The following HHIP variants were observed in gnomAD, a reference collection of about 807,000 sequenced individuals.
The protein encoded by HHIP is hedgehog interacting protein.
In HHIP, 12 loss-of-function variants were observed where a neutral mutation model predicts 74.0. The ratio of observed to expected loss-of-function variants is 0.16; its 90% CI spans 0.10 to 0.26. The LOEUF is 0.26. HHIP is among the 10% of genes least tolerant of loss of function. HHIP has a pLI of 1.00. For missense variants in HHIP, 788 were observed against 845.0 expected (o/e 0.93, Z 0.84); for synonymous variants, 309 against 311.6 (o/e 0.99, Z 0.09).
intron 2 of HHIP, among the ~76,000 whole-genome samples, chr4:144,656,210 G>A (rs1236423007): frequency 1.3e-5 from 2 of 152,146 alleles, no homozygotes; most frequent in Middle Eastern, 3.4e-3. Context: ...AAAATTACAT[G>A]ATTGTAAAGA....
At chr4:144,717,661 C>T (rs1730495130) in intron 10 of HHIP, among the ~76,000 whole-genome samples, 1 of 152,076 alleles carries the variant, frequency 6.6e-6, no homozygotes, top group Non-Finnish European at 1.5e-5. Context: ...AGTACCCCAT[C>T]TGTTGTATTT....
chr4:144,669,875 A>G (rs1430915080), intron 4 of HHIP, among the ~76,000 whole-genome samples: 1 of 151,922 alleles, frequency 6.6e-6, no homozygotes, highest in African/African-American at 2.4e-5. Flanking sequence ...GGCTGGGTGT[A>G]GTGGCTCACA....
At chr4:144,647,757 C>T (rs1728307162) in intron 1 of HHIP, among the ~76,000 whole-genome samples, 1 of 152,160 alleles carries the variant, frequency 6.6e-6, no homozygotes, top group African/African-American at 2.4e-5. Context: ...CAATATCGTT[C>T]TTGCCAGGAG....
rs1731317314 is a variant in HHIP at position 144,743,472 on chromosome 4, C to T, written c.*5515C>T. The T allele has an allele frequency of 6.6e-6, 1 of 152,054 alleles. No individual in the cohort carries two copies. Among genetic ancestry groups the T allele is most frequent in the Non-Finnish European group, 1.5e-5 (1 of 67,942 alleles). 9.4% of individuals were successfully genotyped at this position (152,054 alleles called of 1,614,324 possible). On this transcript the variant is annotated 3_prime_UTR_variant, in exon 13 of 13. Transcript: ENST00000296575. ...TTATTCTTCTTTGAGCCAGACTAAA[C>T]AGTAACATTTACAAAATGGTATCAG...
At chr4:144,727,212 T>C (rs1730829060) in intron 11 of HHIP, among the ~76,000 whole-genome samples, 1 of 152,182 alleles carries the variant, frequency 6.6e-6, no homozygotes, top group African/African-American at 2.4e-5. Flanking sequence ...GTTTACATAT[T>C]GCCACCTTCT....
chr4:144,663,938 T>A (rs1409526792), intron 4 of HHIP, among the ~76,000 whole-genome samples: 2 of 152,188 alleles, frequency 1.3e-5, no homozygotes, highest in Non-Finnish European at 2.9e-5. Context: ...GCTTTGCATG[T>A]GTGTTAAAGG....
intron 12 of HHIP, among the ~76,000 whole-genome samples, chr4:144,737,168 G>A (rs1455472522): frequency 6.6e-6 from 1 of 152,108 alleles, no homozygotes; most frequent in Non-Finnish European, 1.5e-5. Context: ...TCCTTTGCTG[G>A]CCAACTGCAC....
At chr4:144,709,745 C>T (rs904106335) in intron 7 of HHIP, among the ~76,000 whole-genome samples, 1 of 152,156 alleles carries the variant, frequency 6.6e-6, no homozygotes, top group African/African-American at 2.4e-5. Context: ...TCACCATCAG[C>T]CCCACTTCTC....
chr4:144,729,416 T>C (rs891910789), intron 11 of HHIP, among the ~76,000 whole-genome samples: 1 of 152,158 alleles, frequency 6.6e-6, no homozygotes, highest in African/African-American at 2.4e-5. Flanking sequence ...TGGAAGTGCC[T>C]GAATACACTA....
intron 4 of HHIP, among the ~76,000 whole-genome samples, chr4:144,670,765 A>G (rs1322208967): frequency 4.2e-4 from 12 of 28,854 alleles, no homozygotes; most frequent in East Asian, 2.7e-3. Context: ...TTAAGATTTG[A>G]AAAAAAAAAA....
intron 4 of HHIP, among the ~76,000 whole-genome samples, chr4:144,668,378 A>C (rs971877173): frequency 1.3e-5 from 2 of 152,070 alleles, no homozygotes; most frequent in African/African-American, 4.8e-5. Context: ...AGAACTTTAA[A>C]AGATTTTAAA....
chr4:144,649,145 TG>T (rs1168508403), intron 1 of HHIP, among the ~76,000 whole-genome samples: 4 of 152,138 alleles, frequency 2.6e-5, no homozygotes, highest in Non-Finnish European at 5.9e-5. Flanking sequence ...TAAGCCTTCC[TG>T]GATTATAATA....
At chr4:144,678,997 C>T (rs967269659) in intron 4 of HHIP, among the ~76,000 whole-genome samples, 1 of 152,228 alleles carries the variant, frequency 6.6e-6, no homozygotes, top group African/African-American at 2.4e-5. Context: ...CTCCCACCAA[C>T]AGTGTAAGAG....
rs1443895590 is a variant in HHIP, at chr4:144,658,852, T to C, written c.535T>C (p.Cys179Arg). 1 of 1,613,882 alleles carries C rather than the reference T, an allele frequency of 6.2e-7. No individual in the cohort carries two copies. The highest frequency in any genetic ancestry group is 8.5e-7 in the Non-Finnish European group (1 of 1,179,808). Residue 179 changes from cysteine (C) to arginine (R), a missense_variant, in exon 3 of 13, where the codon TGC becomes CGC. Coordinates refer to ENST00000296575, the MANE Select transcript of HHIP (RefSeq NM_022475.3). ...FYYARKDGGL[C>R]FPDFPRKQVR... ...CTATGCAAGAAAAGATGGTGGGTTG[T>C]GCTTTCCAGATTTTCCAAGAAAACA... is the stretch of plus-strand genomic sequence containing the variant.
rs9759612 is a variant in HHIP at position 144,724,697 on chromosome 4, A to T, written c.1760+5741A>T. ...ATATATATATTTATATATATATATA[A>T]GTATATATATATGTATGTATGCATA... On this transcript the variant is annotated intron_variant, in intron 11 of 12. Coordinates refer to ENST00000296575, the MANE Select transcript of HHIP (RefSeq NM_022475.3). Among the ~76,000 whole-genome samples, 95 of 31,290 alleles carry T rather than the reference A, an allele frequency of 3.0e-3. No individual in the cohort carries two copies. The South Asian group carries it at 0.034, about 11-fold the overall frequency. 20.5% of individuals were successfully genotyped at this position (31,290 alleles called of 152,430 possible).
intron 11 of HHIP, among the ~76,000 whole-genome samples, chr4:144,731,580 C>T (rs1220695352): frequency 1.3e-5 from 2 of 151,972 alleles, no homozygotes; most frequent in South Asian, 2.1e-4. Flanking sequence ...GGACGACACC[C>T]AGCTAATTTT....
chr4:144,662,014 C>G (rs1040484088), intron 4 of HHIP, among the ~76,000 whole-genome samples: 3 of 152,108 alleles, frequency 2.0e-5, no homozygotes, highest in Non-Finnish European at 2.9e-5. Flanking sequence ...ATAATACAAA[C>G]CACATTGCAG....
chr4:144,696,069 A>T (rs1051875283), intron 4 of HHIP, among the ~76,000 whole-genome samples: 1 of 151,920 alleles, frequency 6.6e-6, no homozygotes, highest in African/African-American at 2.4e-5. Context: ...ACTGAATGTG[A>T]GAAGAGTTCT....
At chr4:144,718,771 T>A (rs1730542912) in intron 10 of HHIP, 104 bp from the exon 11 acceptor site, 2 of 736,222 alleles carry the variant, frequency 2.7e-6, no homozygotes, top group Admixed American at 4.7e-5. Flanking sequence ...GATTTTCTTG[T>A]GGATAGATGG....
Sources: allele counts gnomAD v4.1 joint callset (sites outside exome capture counted in the v4.1 genomes callset), GRCh38; gene constraint gnomAD v4.1.1; transcripts MANE v1.5; gene names NCBI Gene and HGNC (gene_info 2026-07-23, HGNC 2026-07-21).